The following TRPM2 variants were observed in gnomAD, a reference collection of about 807,000 sequenced individuals.
TRPM2 encodes the protein transient receptor potential cation channel subfamily M member 2.
TRPM2 carries 161 observed loss-of-function variants against 174.0 expected under a neutral mutation model. The observed-to-expected ratio is 0.93, with a 90% CI of 0.81 to 1.05. TRPM2 has a LOEUF of 1.05. Ranked by LOEUF, TRPM2 falls within the 50% of genes least tolerant of loss-of-function variation. The pLI, the probability that TRPM2 is intolerant of heterozygous loss-of-function variation, is 0.00. For missense variants in TRPM2, 2,057 were observed against 2,038.0 expected (o/e 1.01, Z -0.18); for synonymous variants, 954 against 861.3 (o/e 1.11, Z -1.88).
At chr21:44,357,772 C>T (rs2048100653) in intron 2 of TRPM2, among the ~76,000 whole-genome samples, 1 of 152,210 alleles carries the variant, frequency 6.6e-6, no homozygotes, top group East Asian at 1.9e-4. Context: ...GAGAGACGCT[C>T]CAAAAGCCCC....
chr21:44,362,887 C>A (rs964432050), intron 2 of TRPM2, among the ~76,000 whole-genome samples: 1 of 152,180 alleles, frequency 6.6e-6, no homozygotes, highest in African/African-American at 2.4e-5. Flanking sequence ...GAGTCTCCTG[C>A]CTCAGCGTCC....
rs781597535 is a variant in TRPM2 at position 44,375,957 on chromosome 21, T to C, written c.896T>C (p.Ile299Thr). 1.2e-5 allele frequency: 19 copies of C among 1,614,076 alleles called. No homozygotes were observed. Among genetic ancestry groups the C allele is most frequent in the Admixed American group, 1.7e-5 (1 of 60,022 alleles). The change falls in exon 6 of 32, where the codon ATT becomes ACT. Residue 299 changes from isoleucine (I) to threonine (T), a missense_variant. Transcript: ENST00000397928. ...ACCCACGGCCAGTACGGGGTGGAGATTCCTCTGAGGACCAGGCTGGAGAAG... is the reference window on the plus strand; with the variant it reads ...ACCCACGGCCAGTACGGGGTGGAGACTCCTCTGAGGACCAGGCTGGAGAAG... Reference protein sequence around the residue: ...DGTHGQYGVEIPLRTRLEKFI... With the variant: ...DGTHGQYGVETPLRTRLEKFI...
chr21:44,435,174 A>G lies in TRPM2; in HGVS notation c.4018A>G (p.Ser1340Gly), dbSNP rs1284913098. The G allele has an allele frequency of 1.2e-6, 2 of 1,613,444 alleles. No homozygotes were observed. The highest frequency in any genetic ancestry group is 2.2e-5 in the South Asian group (2 of 91,064). ...AGGACTGCGTGGGCGCGGGAGCCTC[A>G]GCTGCTTCGGACCCAACCACACGCT... ...RTGLRGRGSL[S>G]CFGPNHTLYP... is the part of the protein sequence containing the mutation. Residue 1340 changes from serine (S) to glycine (G), a missense_variant, in exon 28 of 32, where the codon AGC (serine) becomes GGC (glycine). Transcript: ENST00000397928.
chr21:44,427,162 G>GT (rs1374372625), intron 27 of TRPM2, 51 bp downstream of exon 27: 5 of 1,455,630 alleles, frequency 3.4e-6, no homozygotes, highest in Non-Finnish European at 4.6e-6. Context: ...GGGTTTGCCT[G>GT]GGGGGCAGGT....
chr21:44,398,015 C>T (rs2049487043), intron 13 of TRPM2, 139 bp downstream of exon 13: 3 of 1,094,420 alleles, frequency 2.7e-6, no homozygotes, highest in South Asian at 2.9e-5. Context: ...GCACGCTTAC[C>T]CTGGGGTCCT....
intron 5 of TRPM2, among the ~76,000 whole-genome samples, chr21:44,374,860 C>T (rs1228979679): frequency 6.6e-6 from 1 of 152,178 alleles, no homozygotes; most frequent in African/African-American, 2.4e-5. Flanking sequence ...GGGTGGGGGA[C>T]CCCTGCTCTA....
In TRPM2 at chr21:44,366,774, C is replaced by G. The variant is rs201133467; in HGVS notation, c.444C>G (p.Asp148Glu). Residue 148 changes from aspartate (D) to glutamate (E), a missense_variant, in exon 4 of 32, where the codon GAC (aspartate) becomes GAG (glutamate). Coordinates refer to ENST00000397928, the MANE Select transcript of TRPM2 (RefSeq NM_003307.4). The surrounding 1 kb of genome is among the most constrained non-coding windows in gnomAD (Gnocchi z 6.0). ...KVKKYVRVSQ[D>E]TPSSVIYHLM... ...CGCAGTACGTCCGAGTCTCCCAGGA[C>G]ACGCCCTCCAGCGTGATCTACCACC... 2.5e-6 allele frequency: 4 copies of G among 1,614,016 alleles called. No individual in the cohort carries two copies. The highest frequency in any genetic ancestry group is 3.4e-6 in the Non-Finnish European group (4 of 1,180,008).
At chr21:44,385,554 A>G (rs1283866483) in intron 9 of TRPM2, among the ~76,000 whole-genome samples, 2 of 152,232 alleles carry the variant, frequency 1.3e-5, no homozygotes, top group East Asian at 1.9e-4. Flanking sequence ...ATTAGACAAG[A>G]AAAAGAAATA....
In TRPM2 at chr21:44,404,220, GATACAC is replaced by G. The variant is rs369677960; in HGVS notation, c.2539-913_2539-908del. ...ATACACATATACACAGAGACACACA[GATACAC>G]ATACACATGCACACACACAAACATG... On this transcript the variant is annotated intron_variant, in intron 16 of 31. Transcript: ENST00000397928. Among the ~76,000 whole-genome samples the G allele has an allele frequency of 5.2e-3, 777 of 150,022 alleles. 4 individuals are homozygous for G. Among genetic ancestry groups the G allele is most frequent in the African/African-American group, 0.018 (744 of 40,864 alleles).
intron 5 of TRPM2, among the ~76,000 whole-genome samples, chr21:44,371,217 C>A (rs1026263410): frequency 1.3e-5 from 2 of 151,588 alleles, no homozygotes; most frequent in Non-Finnish European, 2.9e-5. Flanking sequence ...CCAGTCGCTG[C>A]CTCCGTGTCC....
intron 5 of TRPM2, among the ~76,000 whole-genome samples, chr21:44,373,568 C>G (rs1446527216): frequency 9.7e-6 from 1 of 103,260 alleles, no homozygotes; most frequent in Non-Finnish European, 2.3e-5. Context: ...GCATTATATG[C>G]GACCTGCATT....
In TRPM2 at chr21:44,414,062, T is replaced by TACGCCAACCAAGTGAG; in HGVS notation, c.3134_3135insACGCCAACCAAGTGAG (p.Ala1046ArgfsTer29). The TACGCCAACCAAGTGAG allele has an allele frequency of 6.4e-7, 1 of 1,571,474 alleles. No homozygotes were observed. The highest frequency in any genetic ancestry group is 8.6e-7 in the Non-Finnish European group (1 of 1,157,648). On this transcript the variant is annotated frameshift_variant, in exon 20 of 32. Transcript: ENST00000397928. LOFTEE classifies it high-confidence loss of function. ...AACATCCTGCTGCTCAACCTCCTCA[T>TACGCCAACCAAGTGAG]CGCCATGTTCAAGTGAGCGCCTGGG...
At chr21:44,426,947 G>A in intron 26 of TRPM2, 63 bp from the exon 27 acceptor site, 1 of 1,495,330 alleles carries the variant, frequency 6.7e-7, no homozygotes, top group Non-Finnish European at 9.1e-7. Flanking sequence ...TGATCCCTCT[G>A]CCTGTCTGCT....
rs769435789 is a variant in TRPM2 at position 44,397,733 on chromosome 21, C to T, written c.1933-14C>T. ...CTGGCTCTTTAGTCTCACGGTGGCT[C>T]CTCTGGTCCCCAGAGCCAGGACTGC... On this transcript the variant is annotated splice_polypyrimidine_tract_variant and intron_variant, in intron 12 of 31. Transcript: ENST00000397928. 1.9e-6 allele frequency: 3 copies of T among 1,558,304 alleles called. No individual in the cohort carries two copies. The highest frequency in any genetic ancestry group is 2.6e-6 in the Non-Finnish European group (3 of 1,150,764).
At chr21:44,382,081 G>C (rs1229442622) in intron 8 of TRPM2, among the ~76,000 whole-genome samples, 1 of 151,576 alleles carries the variant, frequency 6.6e-6, no homozygotes, top group Non-Finnish European at 1.5e-5. Context: ...TGTATGGATG[G>C]ATGGAAAGAT....
chr21:44,384,712 A>G (rs1410381749), intron 9 of TRPM2, among the ~76,000 whole-genome samples: 1 of 152,222 alleles, frequency 6.6e-6, no homozygotes, highest in Non-Finnish European at 1.5e-5. Flanking sequence ...TGAAATGAAC[A>G]CATTTCTAGA....
intron 22 of TRPM2, among the ~76,000 whole-genome samples, chr21:44,420,566 G>C (rs992040849): frequency 6.6e-6 from 1 of 152,228 alleles, no homozygotes; most frequent in African/African-American, 2.4e-5. Context: ...GAGGAGGGGG[G>C]CCTGGGGCCA....
intron 9 of TRPM2, among the ~76,000 whole-genome samples, chr21:44,386,677 A>T (rs918917856): frequency 6.6e-6 from 1 of 152,010 alleles, no homozygotes; most frequent in African/African-American, 2.4e-5. Context: ...ACTCAAAGCA[A>T]TCTACAGATC....
At position 44,354,595 on chromosome 21, in the gene TRPM2, G is replaced by C. The variant is rs2146107203; in HGVS notation, c.166-53G>C. The C allele has an allele frequency of 3.3e-6, 5 of 1,511,328 alleles. No individual in the cohort carries two copies. Among genetic ancestry groups the C allele is most frequent in the Middle Eastern group, 1.7e-4 (1 of 5,860 alleles). The allele number at this position is 1,511,328 out of a possible 1,614,324, so 93.6% of individuals were successfully genotyped here. Reference sequence around the variant, plus strand: ...AGCTCAGATGTGTCTCCAGGGGGCTGGGTGTGCTCTTTCGAATGTTGGAAG... The same window carrying C: ...AGCTCAGATGTGTCTCCAGGGGGCTCGGTGTGCTCTTTCGAATGTTGGAAG... On this transcript the variant is annotated intron_variant, in intron 1 of 31. Transcript: ENST00000397928. The surrounding 1 kb of genome is among the most constrained non-coding windows in gnomAD (Gnocchi z 4.3).
Sources: gnomAD v4.1 joint callset for allele counts (sites outside exome capture counted in the v4.1 genomes callset) on GRCh38, gnomAD v4.1.1 for gene constraint, Gnocchi (gnomAD v3.1) non-coding constraint, MANE v1.5 for transcripts, NCBI Gene and HGNC (gene_info 2026-07-23, HGNC 2026-07-21) for gene names.